OR1B1: variants seen among roughly 807,000 people sequenced by gnomAD.
OR1B1 encodes olfactory receptor 1B1.
For missense variants in OR1B1, 414 were observed against 402.1 expected (o/e 1.03, Z -0.25); for synonymous variants, 168 against 156.2 (o/e 1.08, Z -0.57).
upstream of OR1B1, chr9:122,629,718 T>C: frequency 3.9e-6 from 2 of 516,062 alleles, no homozygotes; most frequent in South Asian, 7.2e-5. Context: ...CCTTAATATG[T>C]ATTTATTTTC....
At chr9:122,636,865 T>C in the OR1B1 span, among the ~76,000 whole-genome samples, 5 of 152,380 alleles carry the variant, frequency 3.3e-5, no homozygotes, top group East Asian at 9.6e-4. Flanking sequence ...CAAGTTATGC[T>C]TTCTCATCTG....
chr9:122,632,043 A>C (rs539238933), upstream of OR1B1, among the ~76,000 whole-genome samples: 1 of 152,326 alleles, frequency 6.6e-6, no homozygotes, highest in South Asian at 2.1e-4. Context: ...AGAAGTGAAC[A>C]TAAAACTTCT....
the OR1B1 span, among the ~76,000 whole-genome samples, chr9:122,640,276 C>T: frequency 7.2e-5 from 11 of 152,020 alleles, no homozygotes; most frequent in African/African-American, 2.7e-4. Context: ...TATCTCTTTT[C>T]TATATATTTT....
upstream of OR1B1, among the ~76,000 whole-genome samples, chr9:122,633,483 C>A (rs1830224700): frequency 1.3e-5 from 2 of 152,078 alleles, no homozygotes; most frequent in South Asian, 4.2e-4. Context: ...TTTTGCACAG[C>A]AAAGGAAATA....
upstream of OR1B1, among the ~76,000 whole-genome samples, chr9:122,632,295 TC>T (rs1377986052): frequency 1.3e-5 from 2 of 148,556 alleles, no homozygotes; most frequent in African/African-American, 4.9e-5. Flanking sequence ...AAAGAAGTTA[TC>T]AAAAAAAAAA....
At chr9:122,629,870 C>T (rs753802803), upstream of OR1B1, among the ~76,000 whole-genome samples, 6 of 152,102 alleles carry the variant, frequency 3.9e-5, no homozygotes, top group Non-Finnish European at 8.8e-5. Flanking sequence ...TTCCAGTGGC[C>T]GACTTCATGA....
At chr9:122,650,690 C>T in the OR1B1 span, among the ~76,000 whole-genome samples, 1 of 152,026 alleles carries the variant, frequency 6.6e-6, no homozygotes, top group Non-Finnish European at 1.5e-5. Flanking sequence ...ATGATATCAC[C>T]TAATTTTAAG....
At chr9:122,642,607 T>C in the OR1B1 span, among the ~76,000 whole-genome samples, 1 of 152,136 alleles carries the variant, frequency 6.6e-6, no homozygotes, top group Non-Finnish European at 1.5e-5. Flanking sequence ...TACTTTTAAG[T>C]ACCACGAGTC....
At chr9:122,652,389 T>C in the OR1B1 span, among the ~76,000 whole-genome samples, 1 of 152,212 alleles carries the variant, frequency 6.6e-6, no homozygotes, top group Non-Finnish European at 1.5e-5. Context: ...AAGATTTGTG[T>C]GCATTATAGT....
At chr9:122,628,572 A>G (rs570593440), downstream of OR1B1, 4 of 1,554,306 alleles carry the variant, frequency 2.6e-6, no homozygotes, top group African/African-American at 1.4e-5. Flanking sequence ...GGCCCACAGC[A>G]GGCTAATCAG....
chr9:122,653,425 G>A, the OR1B1 span, among the ~76,000 whole-genome samples: 1 of 152,152 alleles, frequency 6.6e-6, no homozygotes, highest in Non-Finnish European at 1.5e-5. Flanking sequence ...TGTAAATGAG[G>A]AAGATAGTCC....
the OR1B1 span, among the ~76,000 whole-genome samples, chr9:122,644,712 A>G: frequency 1.3e-5 from 2 of 152,228 alleles, no homozygotes; most frequent in Non-Finnish European, 2.9e-5. Flanking sequence ...GAATTCTTGC[A>G]GCTATTTTCC....
chr9:122,628,836 A>G, exon 1 of OR1B1: 5 of 1,614,140 alleles, frequency 3.1e-6, no homozygotes, highest in East Asian at 2.2e-5. Flanking sequence ...GCTGAAGGCA[A>G]ACGTAGAATA....
the OR1B1 span, among the ~76,000 whole-genome samples, chr9:122,652,708 T>C: frequency 2.0e-5 from 3 of 152,212 alleles, no homozygotes; most frequent in East Asian, 1.9e-4. Context: ...TGTTTTTTTT[T>C]CATCTTAAAG....
At chr9:122,657,488 C>T in the OR1B1 span, among the ~76,000 whole-genome samples, 1 of 152,106 alleles carries the variant, frequency 6.6e-6, no homozygotes, top group East Asian at 1.9e-4. Flanking sequence ...GGAAGTAGAT[C>T]AAGGGCTTTT....
the OR1B1 span, among the ~76,000 whole-genome samples, chr9:122,640,168 A>G: frequency 6.6e-6 from 1 of 152,052 alleles, no homozygotes; most frequent in African/African-American, 2.4e-5. Context: ...CTTCTTTACT[A>G]TTATTATCCA....
At chr9:122,654,816 G>T in the OR1B1 span, among the ~76,000 whole-genome samples, 1 of 152,162 alleles carries the variant, frequency 6.6e-6, no homozygotes. Flanking sequence ...ATGTCCTCTA[G>T]ATTTATCCAT....
At chr9:122,636,942 TA>T in the OR1B1 span, among the ~76,000 whole-genome samples, 31 of 152,326 alleles carry the variant, frequency 2.0e-4, no homozygotes, top group Non-Finnish European at 4.0e-4. Context: ...GTTAAGAGAG[TA>T]TTTTTGGAAG....
At chr9:122,631,210 T>C (rs1238473711), upstream of OR1B1, among the ~76,000 whole-genome samples, 1 of 151,978 alleles carries the variant, frequency 6.6e-6, no homozygotes, top group Admixed American at 6.6e-5. Flanking sequence ...GGAATCTCGT[T>C]CTGTCGCCCA....
Sources: gnomAD v4.1 joint callset for allele counts (sites outside exome capture counted in the v4.1 genomes callset) on GRCh38, gnomAD v4.1.1 for gene constraint, MANE v1.5 for transcripts, NCBI Gene and HGNC (gene_info 2026-07-23, HGNC 2026-07-21) for gene names.